Variants in HDAC4 observed in about 807,000 individuals in gnomAD.
The protein encoded by HDAC4 is histone deacetylase 4, also known as histone deacetylase A.
A neutral mutation model predicts 135.1 loss-of-function variants in HDAC4; 16 were observed. The observed-to-expected ratio is 0.12, with a 90% CI of 0.08 to 0.18. HDAC4 has a LOEUF of 0.18. Ranked by LOEUF, HDAC4 falls within the 10% of genes least tolerant of loss-of-function variation. The pLI is 1.00. For synonymous variants in HDAC4, 685 were observed against 653.4 expected (o/e 1.05, Z -0.74); for missense variants, 1,143 against 1,511.8 (o/e 0.76, Z 4.05).
chr2:239,301,272 G>A (rs2052242107), intron 2 of HDAC4, among the ~76,000 whole-genome samples: 1 of 152,154 alleles, frequency 6.6e-6, no homozygotes. Context: ...GACGAGGGGC[G>A]ATGGTGGGGC....
In HDAC4 at chr2:239,320,631, T is replaced by C. The variant is rs532846653; in HGVS notation, c.22+32047A>G. Among the ~76,000 whole-genome samples, 14 of 152,310 alleles carry C rather than the reference T, an allele frequency of 9.2e-5. No individual in the cohort carries two copies. In the East Asian group the frequency reaches 2.1e-3, roughly 23 times the overall value. ...GCAAATACAAAATCCATGATTCTAG[T>C]GGGTTTCTGATAATCTATAAAATTT... On this transcript the variant is annotated intron_variant, in intron 2 of 26. Transcript: ENST00000543185.
chr2:239,333,143 A>G (rs539340929), intron 2 of HDAC4, among the ~76,000 whole-genome samples: 109 of 152,354 alleles, frequency 7.2e-4, no homozygotes, highest in African/African-American at 2.6e-3. Flanking sequence ...CATCTTTCCT[A>G]CATAAACTCT....
At chr2:239,059,789 A>T (rs931986530) in intron 24 of HDAC4, among the ~76,000 whole-genome samples, 2 of 152,136 alleles carry the variant, frequency 1.3e-5, no homozygotes, top group African/African-American at 4.8e-5. Flanking sequence ...ACCACCCACC[A>T]GCCTGGAGCA....
chr2:239,347,870 C>G (rs975174082), intron 2 of HDAC4, among the ~76,000 whole-genome samples: 1 of 152,224 alleles, frequency 6.6e-6, no homozygotes, highest in East Asian at 1.9e-4. Flanking sequence ...ATTCCAGGAG[C>G]GAGAGGATGC....
At chr2:239,396,752 A>G (rs1046411589) in intron 1 of HDAC4, among the ~76,000 whole-genome samples, 1 of 152,260 alleles carries the variant, frequency 6.6e-6, no homozygotes, top group South Asian at 2.1e-4. Flanking sequence ...TAAATCTGTC[A>G]AGATTTTCTT....
intron 1 of HDAC4, among the ~76,000 whole-genome samples, chr2:239,392,267 C>T (rs144673439): frequency 3.8e-4 from 58 of 152,352 alleles, no homozygotes; most frequent in Non-Finnish European, 2.4e-4. Flanking sequence ...ACTCGAAAGG[C>T]GAGAAGACAC....
intron 16 of HDAC4, among the ~76,000 whole-genome samples, chr2:239,098,006 C>T (rs1445180505): frequency 6.6e-6 from 1 of 152,214 alleles, no homozygotes. Context: ...AGTAGACACA[C>T]GTGTCCAGGT....
intron 1 of HDAC4, among the ~76,000 whole-genome samples, chr2:239,373,215 C>A (rs1203920561): frequency 2.6e-5 from 4 of 152,180 alleles, no homozygotes; most frequent in Non-Finnish European, 5.9e-5. Flanking sequence ...TCCAGCCATG[C>A]CCGACACTGC....
Position 239,163,821 on chromosome 2 carries a change from T to G in HDAC4, c.593A>C (p.Asp198Ala). Reference protein sequence around the residue: ...HRNLNHCISSDPRYWYGKTQH... With the variant: ...HRNLNHCISSAPRYWYGKTQH... ...CACTTACCCGTACCAGTAGCGAGGG[T>G]CGCTGGAAATGCAGTGGTTCAGATT... Residue 198 changes from aspartate (D) to alanine (A), a missense_variant, in exon 6 of 27, where the codon GAC (aspartate) becomes GCC (alanine). Coordinates refer to ENST00000543185, the MANE Select transcript of HDAC4 (RefSeq NM_001378414.1). The G allele has an allele frequency of 6.2e-7, 1 of 1,614,042 alleles. No homozygotes were observed.
intron 8 of HDAC4, among the ~76,000 whole-genome samples, chr2:239,142,963 A>G (rs1406716736): frequency 1.3e-5 from 2 of 149,932 alleles, no homozygotes; most frequent in Non-Finnish European, 3.0e-5. Flanking sequence ...CCTGTGACGC[A>G]TGGCTCCTGG....
chr2:239,184,539 C>T (rs181996357), intron 4 of HDAC4, among the ~76,000 whole-genome samples: 1,996 of 130,452 alleles, frequency 0.015, 68 homozygotes, highest in African/African-American at 0.058. Flanking sequence ...AGGCTGTGCC[C>T]TATGGGGTGG....
rs1231514489 is a variant in HDAC4 at position 239,194,042 on chromosome 2, C to T, written c.95-3965G>A. On this transcript the variant is annotated intron_variant, in intron 3 of 26. Coordinates refer to ENST00000543185, the MANE Select transcript of HDAC4 (RefSeq NM_001378414.1). Reference sequence around the variant, plus strand: ...CAATGCTGATGTGGGCCAAGGGCCCCCACCACCTGGGAGTTTTCAGAAATG... The same window carrying T: ...CAATGCTGATGTGGGCCAAGGGCCCTCACCACCTGGGAGTTTTCAGAAATG... Among the ~76,000 whole-genome samples the T allele has an allele frequency of 7.2e-5, 11 of 152,318 alleles. No individual in the cohort carries two copies. In the East Asian group the frequency reaches 1.9e-3, roughly 27 times the overall value.
chr2:239,373,205 T>C (rs976807624), intron 1 of HDAC4, among the ~76,000 whole-genome samples: 1 of 152,096 alleles, frequency 6.6e-6, no homozygotes, highest in Non-Finnish European at 1.5e-5. Context: ...GCGTACCTCC[T>C]CCAGCCATGC....
In HDAC4 at chr2:239,278,409, C is replaced by T. The variant is rs529905278; in HGVS notation, c.23-41745G>A. On this transcript the variant is annotated intron_variant, in intron 2 of 26. Coordinates refer to ENST00000543185, the MANE Select transcript of HDAC4 (RefSeq NM_001378414.1). ...AACATATTTTGGGCCAGGACAAGGG[C>T]TCACGCCTATAATCTCAGCATTCTG... Among the ~76,000 whole-genome samples, 25 of 152,328 alleles carry T rather than the reference C, an allele frequency of 1.6e-4. 2 individuals are homozygous for T. In the South Asian group the frequency reaches 4.8e-3, roughly 29 times the overall value.
chr2:239,163,790 C>A lies in HDAC4; in HGVS notation c.611+13G>T. 6.2e-7 allele frequency: 1 copy of A among 1,613,988 alleles called. No homozygotes were observed. Among genetic ancestry groups the A allele is most frequent in the African/African-American group, 1.3e-5 (1 of 75,058 alleles). ...AGAGAGGAGGCCGGGGTGCTCCCCACACCCACACTTACCCGTACCAGTAGC... is the reference window on the plus strand; with the variant it reads ...AGAGAGGAGGCCGGGGTGCTCCCCAAACCCACACTTACCCGTACCAGTAGC... On this transcript the variant is annotated intron_variant, in intron 6 of 26. Coordinates refer to ENST00000543185, the MANE Select transcript of HDAC4 (RefSeq NM_001378414.1).
In HDAC4 at chr2:239,095,043, G is replaced by A. The variant is rs147962025; in HGVS notation, c.2247C>T (p.Ser749=). ...DSKKLLGSLA[S]VFVRLPCGGV... is the part of the protein sequence containing the mutation. ...CACCGCAAGGGAGCCGGACGAACAC[G>A]GAGGCGAGCGAGCCTGTGGGGGGGA... Residue 749 remains serine, a synonymous_variant, in exon 17 of 27, where the codon TCC becomes TCT. Transcript: ENST00000543185. 1.6e-4 allele frequency: 256 copies of A among 1,613,830 alleles called. 1 individual carries two copies. The highest frequency in any genetic ancestry group is 4.7e-4 in the Admixed American group (28 of 60,026).
chr2:239,092,478 G>A (rs1400873061), intron 17 of HDAC4, among the ~76,000 whole-genome samples: 6 of 152,192 alleles, frequency 3.9e-5, no homozygotes, highest in African/African-American at 7.2e-5. Context: ...CTACACCCGT[G>A]TTCTGAAGGG....
At chr2:239,389,789 G>A (rs1044709404) in intron 1 of HDAC4, among the ~76,000 whole-genome samples, 4 of 152,130 alleles carry the variant, frequency 2.6e-5, no homozygotes, top group African/African-American at 9.7e-5. Flanking sequence ...TGACATCAGT[G>A]AATTCCATAC....
chr2:239,201,396 A>C (rs1224764060), intron 3 of HDAC4, among the ~76,000 whole-genome samples: 1 of 152,156 alleles, frequency 6.6e-6, no homozygotes, highest in Non-Finnish European at 1.5e-5. Context: ...TCTGCTCCGG[A>C]GTCGATGGTC....
Sources: gnomAD v4.1 joint callset for allele counts (sites outside exome capture counted in the v4.1 genomes callset) on GRCh38, gnomAD v4.1.1 for gene constraint, MANE v1.5 for transcripts, NCBI Gene and HGNC (gene_info 2026-07-23, HGNC 2026-07-21) for gene names.